Variants in TCTN1 observed in about 807,000 individuals in gnomAD.
TCTN1 encodes tectonic family member 1.
Under a neutral mutation model 65.8 loss-of-function variants are expected in TCTN1, and 58 were observed. The observed-to-expected ratio is 0.88, with a 90% CI of 0.71 to 1.10. The LOEUF (loss-of-function observed/expected upper bound fraction) is 1.10. Ranked by LOEUF, TCTN1 falls within the 50% of genes least tolerant of loss-of-function variation. The probability of loss-of-function intolerance (pLI) is 0.00; values close to 1 mark genes in which losing one functional copy is unlikely to be tolerated. For missense variants in TCTN1, 645 were observed against 719.4 expected (o/e 0.90, Z 1.18); for synonymous variants, 273 against 289.1 (o/e 0.94, Z 0.57).
chr12:110,628,767 A>T lies in TCTN1; in HGVS notation c.473A>T (p.Tyr158Phe). Residue 158 changes from tyrosine to phenylalanine, a missense_variant and splice_region_variant, in exon 4 of 15, where the codon TAT becomes TTT. Transcript: ENST00000397659. ...PSIFCIHITN[Y>F]KPALSFINPE... ...AAATACTGTTTTTTTTAAAAAACAG[A>T]TAAACCTGCATTATCCTTTATTAAT... is the stretch of plus-strand genomic sequence containing the variant. The T allele has an allele frequency of 6.3e-7, 1 of 1,598,204 alleles. No individual in the cohort carries two copies. Among genetic ancestry groups the T allele is most frequent in the Non-Finnish European group, 8.6e-7 (1 of 1,167,578 alleles).
At chr12:110,647,138 C>T in intron 12 of TCTN1, 58 bp from the exon 13 acceptor site, 1 of 1,600,308 alleles carries the variant, frequency 6.2e-7, no homozygotes, top group Non-Finnish European at 8.6e-7. Context: ...ATAATTAAAA[C>T]TCTGAACTGC....
chr12:110,634,848 T>C (rs2066457054), intron 6 of TCTN1, 69 bp downstream of exon 6: 3 of 1,221,172 alleles, frequency 2.5e-6, no homozygotes. Context: ...TTTTAAAATA[T>C]GACAAGTACA....
chr12:110,634,229 A>C (rs2066411912), intron 5 of TCTN1, among the ~76,000 whole-genome samples: 1 of 152,176 alleles, frequency 6.6e-6, no homozygotes, highest in Non-Finnish European at 1.5e-5. Context: ...TATTTCTAGA[A>C]AGAGACACAA....
intron 4 of TCTN1, 27 bp from the exon 5 acceptor site, chr12:110,632,445 A>G: frequency 1.2e-6 from 2 of 1,612,318 alleles, no homozygotes; most frequent in Non-Finnish European, 1.7e-6. Flanking sequence ...ATTACACCAT[A>G]ACGACTGTTG....
Position 110,645,014 on chromosome 12 carries a change from G to A in TCTN1, c.1379G>A (p.Ser460Asn). Residue 460 changes from serine to asparagine, a missense_variant, in exon 12 of 15, where the codon AGC (serine) becomes AAC (asparagine). Physicochemically the swap from Ser to Asn is conservative, Grantham distance 46. Transcript: ENST00000397659. ...CAGCTCGTAGCACAGAAGGTGAAGA[G>A]CCTGCTGTGGGGCCAGGGCTTCCCA... ...PCQLVAQKVK[S>N]LLWGQGFPDY... The A allele has an allele frequency of 6.2e-7, 1 of 1,614,238 alleles. No individual in the cohort carries two copies. Among genetic ancestry groups the A allele is most frequent in the South Asian group, 1.1e-5 (1 of 91,086 alleles).
chr12:110,624,357 G>T (rs1051594211), intron 2 of TCTN1, among the ~76,000 whole-genome samples: 2 of 151,454 alleles, frequency 1.3e-5, no homozygotes, highest in African/African-American at 4.9e-5. Flanking sequence ...AGTACTACAG[G>T]CATCTGCCAG....
At chr12:110,633,625 A>C (rs767716898) in intron 5 of TCTN1, among the ~76,000 whole-genome samples, 3 of 151,912 alleles carry the variant, frequency 2.0e-5, no homozygotes, top group Non-Finnish European at 4.4e-5. Flanking sequence ...TGACAGAACA[A>C]GACCCTGTCT....
At chr12:110,645,779 G>A (rs184310622) in intron 12 of TCTN1, 28 of 155,506 alleles carry the variant, frequency 1.8e-4, no homozygotes, top group African/African-American at 5.8e-4. Context: ...GCCCAGGGGC[G>A]TGCTCTCCAT....
At chr12:110,642,156 G>T in intron 10 of TCTN1, 93 bp from the exon 11 acceptor site, 1 of 1,541,656 alleles carries the variant, frequency 6.5e-7, no homozygotes, top group Non-Finnish European at 8.9e-7. Flanking sequence ...AGTGTATTTG[G>T]GTCTCCCTCA....
At chr12:110,628,659 T>C (rs2066015663) in intron 3 of TCTN1, 108 bp from the exon 4 acceptor site, 3 of 1,005,942 alleles carry the variant, frequency 3.0e-6, no homozygotes, top group Admixed American at 4.8e-5. Flanking sequence ...ATTTGTTTTT[T>C]ACATCAGCCT....
intron 9 of TCTN1, 129 bp downstream of exon 9, chr12:110,641,278 A>G (rs1011890921): frequency 4.9e-5 from 64 of 1,312,036 alleles, no homozygotes; most frequent in Non-Finnish European, 6.5e-5. Flanking sequence ...GGCTTTGTGT[A>G]GCCTGTGCAT....
chr12:110,648,905 G>A, intron 14 of TCTN1, 138 bp from the exon 15 acceptor site: 1 of 401,546 alleles, frequency 2.5e-6, no homozygotes, highest in Non-Finnish European at 4.8e-6. Context: ...GCTGGCTGAT[G>A]CAGCTGGGGC....
chr12:110,649,386 T>C lies in TCTN1; in HGVS notation c.*345T>C, dbSNP rs1414662768. 2 of 1,594,738 alleles carry C rather than the reference T, an allele frequency of 1.3e-6. No homozygotes were observed. On this transcript the variant is annotated 3_prime_UTR_variant, in exon 15 of 15. Transcript: ENST00000397659. ...CACAGGCCCATGAGACAGTGTCTTC[T>C]TTTTGAGGGGAGCTGGTCCGGGTCT...
intron 2 of TCTN1, among the ~76,000 whole-genome samples, chr12:110,624,346 T>A (rs1040736757): frequency 2.0e-5 from 3 of 151,700 alleles, no homozygotes; most frequent in Non-Finnish European, 2.9e-5. Context: ...CCCAAGTAGT[T>A]AGTACTACAG....
At chr12:110,620,828 T>TA (rs1405999029) in intron 2 of TCTN1, among the ~76,000 whole-genome samples, 2 of 148,710 alleles carry the variant, frequency 1.3e-5, no homozygotes, top group Admixed American at 1.4e-4. Flanking sequence ...TTTTTTTTTT[T>TA]ATGAGATGGA....
intron 3 of TCTN1, chr12:110,628,369 C>G: frequency 1.2e-6 from 1 of 849,986 alleles, no homozygotes; most frequent in East Asian, 2.8e-5. Flanking sequence ...GAGATGAAGT[C>G]TCACTGTGTC....
Position 110,644,735 on chromosome 12 carries a change from TG to T in TCTN1, c.1332-229del, listed in dbSNP as rs529262430. The T allele has an allele frequency of 1.8e-4, 105 of 578,778 alleles. 1 individual carries two copies. The East Asian group carries it at 3.1e-3, about 17-fold the overall frequency. The allele number at this position is 578,778 out of a possible 1,614,324, so 35.9% of individuals were successfully genotyped here. On this transcript the variant is annotated intron_variant, in intron 11 of 14. Transcript: ENST00000397659. The surrounding 1 kb of genome is among the most constrained non-coding windows in gnomAD (Gnocchi z 4.6). ...AAAAAACAAAAAACTGCTGGTGGGC[TG>T]GGTGTGGTGGCTCACTCCTGTAGTC... is the stretch of plus-strand genomic sequence containing the variant.
chr12:110,633,776 G>C (rs2066382381), intron 5 of TCTN1, among the ~76,000 whole-genome samples: 1 of 152,196 alleles, frequency 6.6e-6, no homozygotes, highest in Admixed American at 6.5e-5. Context: ...GAAACAGGCA[G>C]TCCACCTACA....
In TCTN1 at chr12:110,647,729, C is replaced by A. The variant is rs761797232; in HGVS notation, c.1636-20C>A. 6 of 1,613,154 alleles carry A rather than the reference C, an allele frequency of 3.7e-6. No individual in the cohort carries two copies. The South Asian group carries it at 6.6e-5, about 18-fold the overall frequency. The stretch of plus-strand genomic sequence containing the variant: ...GGAGCACACTGGAGGGTGGGCCTTG[C>A]ATCTCTCTGTTTATTACAGGCCAAC... On this transcript the variant is annotated intron_variant, in intron 13 of 14. Transcript: ENST00000397659.
Sources: allele counts gnomAD v4.1 joint callset (sites outside exome capture counted in the v4.1 genomes callset), GRCh38; gene constraint gnomAD v4.1.1; non-coding constraint Gnocchi (gnomAD v3.1); transcripts MANE v1.5; gene names NCBI Gene and HGNC (gene_info 2026-07-23, HGNC 2026-07-21).